Variants in FBXL14 observed in about 807,000 individuals in gnomAD.
FBXL14 encodes F-box and leucine rich repeat protein 14, also known as F-box/LRR-repeat protein 14.
Under a neutral mutation model 24.5 loss-of-function variants are expected in FBXL14, and 11 were observed. The ratio of observed to expected loss-of-function variants is 0.45; its 90% CI spans 0.28 to 0.74. The LOEUF (loss-of-function observed/expected upper bound fraction) is 0.74. Among genes scored for constraint, FBXL14 ranks in the 30% least tolerant of loss-of-function variants. The pLI is 0.12. For synonymous variants in FBXL14, 294 were observed against 240.4 expected (o/e 1.22, Z -2.06); for missense variants, 384 against 545.6 (o/e 0.70, Z 2.95).
chr12:1,593,572 G>A lies in FBXL14; in HGVS notation c.495C>T (p.Ala165=), dbSNP rs756132499. The change falls in exon 1 of 2, where the codon GCC becomes GCT. Residue 165 remains alanine (A), a synonymous_variant. Transcript: ENST00000339235. This position sits in a 1 kb window ranked among gnomAD's most constrained non-coding sequence, Gnocchi z 7.4. ...GGCTCTTGAGGCGCTGCAGACCCCA[G>A]GCGATGAGCAGAAGGCCAGTGTTGG... is the stretch of plus-strand genomic sequence containing the variant. ...NITNTGLLLI[A]WGLQRLKSLN... The A allele has an allele frequency of 6.2e-7, 1 of 1,614,174 alleles. No homozygotes were observed. The highest frequency in any genetic ancestry group is 8.5e-7 in the Non-Finnish European group (1 of 1,180,028).
chr12:1,566,932 G>A, intron 1 of FBXL14, 122 bp from the exon 2 acceptor site: 1 of 643,002 alleles, frequency 1.6e-6, no homozygotes, highest in East Asian at 2.8e-5. Context: ...CCTGGGGGAA[G>A]GGAAACTCCC....
rs539306161 is a variant in FBXL14, at chr12:1,569,440, A to G, written c.1195-2630T>C. Among the ~76,000 whole-genome samples, 16 of 141,330 alleles carry G rather than the reference A, an allele frequency of 1.1e-4. No individual in the cohort carries two copies. Among genetic ancestry groups the G allele is most frequent in the East Asian group, 2.0e-4 (1 of 4,938 alleles). The allele number at this position is 141,330 out of a possible 152,430, so 92.7% of individuals were successfully genotyped here. On this transcript the variant is annotated intron_variant, in intron 1 of 1. Transcript: ENST00000339235. The surrounding 1 kb of genome is among the most constrained non-coding windows in gnomAD (Gnocchi z 4.2). The stretch of plus-strand genomic sequence containing the variant: ...GTCTGAGACGGAGTCTCGCTCTGTC[A>G]CCCAGGCTAGAGTGCAGTGCCGCAA...
In FBXL14 at chr12:1,566,563, C is replaced by G. The variant is rs2094436656; in HGVS notation, c.*185G>C. 1 of 566,898 alleles carries G rather than the reference C, an allele frequency of 1.8e-6. No homozygotes were observed. Among genetic ancestry groups the G allele is most frequent in the Non-Finnish European group, 3.2e-6 (1 of 316,858 alleles). 35.1% of individuals were successfully genotyped at this position (566,898 alleles called of 1,614,324 possible). A position where few individuals can be genotyped will look rare whatever the true frequency, so the allele number is the denominator to read the frequency against. ...TCAGAGCAAACCACTGTCCCCAGAA[C>G]TGGAGAAACCGGCAGGAGAATGCAG... On this transcript the variant is annotated 3_prime_UTR_variant, in exon 2 of 2. Transcript: ENST00000339235.
chr12:1,581,123 C>T (rs890497713), intron 1 of FBXL14, among the ~76,000 whole-genome samples: 15 of 152,148 alleles, frequency 9.9e-5, no homozygotes, highest in African/African-American at 3.6e-4. Flanking sequence ...CGACCCCTCT[C>T]GACAGTCTTC....
chr12:1,587,978 T>G (rs778827622), intron 1 of FBXL14, among the ~76,000 whole-genome samples: 15 of 152,162 alleles, frequency 9.9e-5, no homozygotes, highest in Non-Finnish European at 2.1e-4. Context: ...GGGGTGATGT[T>G]TGATGCAGGG....
intron 1 of FBXL14, among the ~76,000 whole-genome samples, chr12:1,572,440 G>T (rs188491205): frequency 6.6e-6 from 1 of 152,344 alleles, no homozygotes; most frequent in Admixed American, 6.5e-5. Flanking sequence ...TTCAACACAA[G>T]AACATTTTGA....
chr12:1,573,640 A>G (rs577321192), intron 1 of FBXL14, among the ~76,000 whole-genome samples: 8 of 152,240 alleles, frequency 5.3e-5, no homozygotes, highest in Non-Finnish European at 1.0e-4. Context: ...AGGGTGAGGA[A>G]GAGTTCTCCA....
At chr12:1,574,278 G>A (rs1003991278) in intron 1 of FBXL14, among the ~76,000 whole-genome samples, 30 of 122,404 alleles carry the variant, frequency 2.5e-4, no homozygotes, top group African/African-American at 7.2e-4. Flanking sequence ...TGCAGTTTTC[G>A]CCAGCGCCCC....
chr12:1,594,095 G>C lies in FBXL14; in HGVS notation c.-29C>G, dbSNP rs767361885. 1 of 1,371,752 alleles carries C rather than the reference G, an allele frequency of 7.3e-7. No homozygotes were observed. Among genetic ancestry groups the C allele is most frequent in the South Asian group, 1.8e-5 (1 of 56,284 alleles). The allele number at this position is 1,371,752 out of a possible 1,614,324, so 85.0% of individuals were successfully genotyped here. A position where few individuals can be genotyped will look rare whatever the true frequency, so the allele number is the denominator to read the frequency against. On this transcript the variant is annotated 5_prime_UTR_variant, in exon 1 of 2. Coordinates refer to ENST00000339235, the MANE Select transcript of FBXL14 (RefSeq NM_152441.3). ...CCTCCTCCCCCCTCCGCGGCGCTGG[G>C]GGGAGGAGGCGCGGGCCCCGCCGCT... is the stretch of plus-strand genomic sequence containing the variant.
intron 1 of FBXL14, chr12:1,587,412 G>C (rs1340186261): frequency 2.0e-5 from 3 of 152,244 alleles, no homozygotes; most frequent in South Asian, 2.1e-4. Flanking sequence ...CCCCACTCTG[G>C]TGCTGCTCAG....
chr12:1,589,440 A>G (rs966091611), intron 1 of FBXL14, among the ~76,000 whole-genome samples: 4 of 143,100 alleles, frequency 2.8e-5, no homozygotes, highest in African/African-American at 1.1e-4. Context: ...TTGTCTCAAA[A>G]AAAAAAAAAA....
intron 1 of FBXL14, among the ~76,000 whole-genome samples, chr12:1,588,181 T>A (rs2094480803): frequency 6.6e-6 from 1 of 152,224 alleles, no homozygotes; most frequent in Non-Finnish European, 1.5e-5. Context: ...AGGTTCTTAT[T>A]CTTTAGAAAC....
In FBXL14 at chr12:1,567,849, A is replaced by G. The variant is rs1273277023; in HGVS notation, c.1195-1039T>C. Among the ~76,000 whole-genome samples the G allele has an allele frequency of 3.9e-5, 6 of 152,266 alleles. No homozygotes were observed. Among genetic ancestry groups the G allele is most frequent in the African/African-American group, 1.4e-4 (6 of 41,476 alleles). On this transcript the variant is annotated intron_variant, in intron 1 of 1. Coordinates refer to ENST00000339235, the MANE Select transcript of FBXL14 (RefSeq NM_152441.3). This position sits in a 1 kb window ranked among gnomAD's most constrained non-coding sequence, Gnocchi z 4.8. ...AGGTTATCTCAATAGAAACCTCCACATGTGAAAAGGGAAAAGAAAACCCAC... is the reference window on the plus strand; with the variant it reads ...AGGTTATCTCAATAGAAACCTCCACGTGTGAAAAGGGAAAAGAAAACCCAC...
At chr12:1,590,520 A>G (rs2094487062) in intron 1 of FBXL14, among the ~76,000 whole-genome samples, 1 of 152,184 alleles carries the variant, frequency 6.6e-6, no homozygotes, top group Admixed American at 6.5e-5. Context: ...TCACACCCAT[A>G]GGTCTCCACA....
At chr12:1,576,218 T>C (rs566365597) in intron 1 of FBXL14, among the ~76,000 whole-genome samples, 1 of 152,258 alleles carries the variant, frequency 6.6e-6, no homozygotes, top group Admixed American at 6.5e-5. Context: ...TTTTAGCTTG[T>C]GCTATGCTGA....
chr12:1,591,252 T>C (rs2094488895), intron 1 of FBXL14, among the ~76,000 whole-genome samples: 2 of 152,054 alleles, frequency 1.3e-5, no homozygotes, highest in African/African-American at 4.8e-5. Context: ...AAACTCCACC[T>C]TGCGTCCTCT....
At chr12:1,590,481 G>A (rs2094486943) in intron 1 of FBXL14, among the ~76,000 whole-genome samples, 1 of 152,170 alleles carries the variant, frequency 6.6e-6, no homozygotes, top group South Asian at 2.1e-4. Context: ...GTGAAACCAG[G>A]AATATGAACC....
intron 1 of FBXL14, among the ~76,000 whole-genome samples, chr12:1,589,061 C>A (rs972203252): frequency 6.6e-6 from 1 of 151,152 alleles, no homozygotes; most frequent in African/African-American, 2.4e-5. Context: ...GTAACTAAAT[C>A]TTCTCATCAA....
chr12:1,592,863 C>A lies in FBXL14; in HGVS notation c.1194+10G>T. The A allele has an allele frequency of 1.3e-6, 2 of 1,551,646 alleles. No homozygotes were observed. The highest frequency in any genetic ancestry group is 1.7e-6 in the Non-Finnish European group (2 of 1,145,316). ...GACAAGGGGAGCTGGTGCTGCCGCC[C>A]TCACCTGACCTTCTCACTGTCCGTC... On this transcript the variant is annotated intron_variant, in intron 1 of 1. Transcript: ENST00000339235.
Sources: gnomAD v4.1 joint callset for allele counts (sites outside exome capture counted in the v4.1 genomes callset) on GRCh38, gnomAD v4.1.1 for gene constraint, Gnocchi (gnomAD v3.1) non-coding constraint, MANE v1.5 for transcripts, NCBI Gene and HGNC (gene_info 2026-07-23, HGNC 2026-07-21) for gene names.